Variants in RYR3 observed in about 807,000 individuals in gnomAD.
RYR3 encodes brain ryanodine receptor-calcium release channel.
In RYR3, 207 loss-of-function variants were observed where a neutral mutation model predicts 584.3. The observed-to-expected ratio is 0.35, with a 90% CI of 0.32 to 0.40. The LOEUF (loss-of-function observed/expected upper bound fraction) is 0.40, where lower values mean the gene tolerates loss of function less well. Ranked by LOEUF, RYR3 falls within the 10% of genes least tolerant of loss-of-function variation. The pLI, the probability that RYR3 is intolerant of heterozygous loss-of-function variation, is 1.00. For missense variants in RYR3, 5,616 were observed against 6,089.2 expected (o/e 0.92, Z 2.59); for synonymous variants, 2,416 against 2,248.5 (o/e 1.07, Z -2.11).
At chr15:33,750,364 A>G in intron 57 of RYR3, 78 bp downstream of exon 57, 1 of 1,441,174 alleles carries the variant, frequency 6.9e-7, no homozygotes, top group East Asian at 2.3e-5. Context: ...TACAAAACCC[A>G]TCCAAGTAAG....
At chr15:33,472,992 C>T (rs1304664074) in intron 1 of RYR3, among the ~76,000 whole-genome samples, 1 of 152,196 alleles carries the variant, frequency 6.6e-6, no homozygotes, top group Non-Finnish European at 1.5e-5. Context: ...CCAACACTTT[C>T]CCTCCACTCA....
chr15:33,338,069 C>G (rs1012434559), intron 1 of RYR3, among the ~76,000 whole-genome samples: 3 of 151,440 alleles, frequency 2.0e-5, no homozygotes, highest in Non-Finnish European at 2.9e-5. Flanking sequence ...CTCAGCCTCC[C>G]GAGTAGCTGG....
At position 33,668,729 on chromosome 15, in the gene RYR3, T is replaced by C. The variant is rs997920587; in HGVS notation, c.5620-625T>C. Among the ~76,000 whole-genome samples, 9 of 152,176 alleles carry C rather than the reference T, an allele frequency of 5.9e-5. 1 individual carries two copies. Among genetic ancestry groups the C allele is most frequent in the Middle Eastern group, 3.2e-3 (1 of 316 alleles). ...AAATTGTAAGCTTTCTGAAGGGCAA[T>C]TTGTAAATTCATATAAAAAAACATT... On this transcript the variant is annotated intron_variant, in intron 36 of 103. Transcript: ENST00000634891.
At chr15:33,637,081 A>AT (rs2061536843) in intron 27 of RYR3, among the ~76,000 whole-genome samples, 1 of 152,206 alleles carries the variant, frequency 6.6e-6, no homozygotes, top group South Asian at 2.1e-4. Flanking sequence ...CCAGAGTTGC[A>AT]TTTTTTAATG....
intron 38 of RYR3, among the ~76,000 whole-genome samples, chr15:33,686,350 A>C (rs1177146443): frequency 6.6e-6 from 1 of 151,676 alleles, no homozygotes; most frequent in Non-Finnish European, 1.5e-5. Context: ...CTTCCTGGAC[A>C]CGTACACCCT....
chr15:33,613,463 A>G lies in RYR3; in HGVS notation c.2357+88A>G, dbSNP rs552581981. The G allele has an allele frequency of 5.3e-6, 7 of 1,329,102 alleles. No individual in the cohort carries two copies. The South Asian group carries it at 1.0e-4, about 19-fold the overall frequency. The allele number at this position is 1,329,102 out of a possible 1,614,324, so 82.3% of individuals were successfully genotyped here. A position where few individuals can be genotyped will look rare whatever the true frequency, so the allele number is the denominator to read the frequency against. On this transcript the variant is annotated intron_variant, in intron 19 of 103. Coordinates refer to ENST00000634891, the MANE Select transcript of RYR3 (RefSeq NM_001036.6). ...AGCTGCGAAGCCAGCAGTCTCCTTC[A>G]GGGCTTCAGTACTGTGAACTAAGTT... is the stretch of plus-strand genomic sequence containing the variant.
intron 23 of RYR3, 28 bp downstream of exon 23, chr15:33,631,321 A>C (rs750517754): frequency 1.2e-5 from 17 of 1,401,310 alleles, no homozygotes; most frequent in Non-Finnish European, 1.7e-5. Context: ...TAATGGTTCA[A>C]GACTTTAATG....
chr15:33,652,617 G>A lies in RYR3; in HGVS notation c.4143-101G>A, dbSNP rs2062550112. ...TGGGGCTGAACAGAAAGCTTCCTAGGAAAGTTTCTGTAGCCATTTTCATTT... is the reference window on the plus strand; with the variant it reads ...TGGGGCTGAACAGAAAGCTTCCTAGAAAAGTTTCTGTAGCCATTTTCATTT... On this transcript the variant is annotated intron_variant, in intron 31 of 103. Coordinates refer to ENST00000634891, the MANE Select transcript of RYR3 (RefSeq NM_001036.6). 3 of 1,239,820 alleles carry A rather than the reference G, an allele frequency of 2.4e-6. No individual in the cohort carries two copies. The African/African-American group carries it at 4.6e-5, about 19-fold the overall frequency. 76.8% of individuals were successfully genotyped at this position (1,239,820 alleles called of 1,614,324 possible).
intron 1 of RYR3, among the ~76,000 whole-genome samples, chr15:33,423,289 A>G (rs750701243): frequency 4.6e-5 from 7 of 152,242 alleles, no homozygotes; most frequent in Admixed American, 1.3e-4. Context: ...TTCACTTAAC[A>G]AAATGTTTCC....
chr15:33,425,860 T>C (rs1004226379), intron 1 of RYR3, among the ~76,000 whole-genome samples: 19 of 152,190 alleles, frequency 1.2e-4, no homozygotes, highest in Admixed American at 3.3e-4. Context: ...GCCAGGATGG[T>C]CTCAATCTCC....
At chr15:33,595,544 T>C (rs1348070232) in intron 16 of RYR3, among the ~76,000 whole-genome samples, 3 of 152,188 alleles carry the variant, frequency 2.0e-5, no homozygotes, top group Admixed American at 6.5e-5. Flanking sequence ...TACAATCTTA[T>C]AATCTTACAC....
At chr15:33,842,535 G>A (rs2078436478) in intron 91 of RYR3, among the ~76,000 whole-genome samples, 1 of 152,182 alleles carries the variant, frequency 6.6e-6, no homozygotes, top group Non-Finnish European at 1.5e-5. Context: ...GTGGCTGAAG[G>A]CCAGGACCAC....
At chr15:33,794,224 T>TATATA (rs2075409280) in intron 67 of RYR3, among the ~76,000 whole-genome samples, 1 of 111,934 alleles carries the variant, frequency 8.9e-6, no homozygotes, top group Non-Finnish European at 1.7e-5. Flanking sequence ...TATATATAAA[T>TATATA]ATATATAAAT....
chr15:33,583,361 A>G (rs1328350424), intron 14 of RYR3, among the ~76,000 whole-genome samples: 2 of 152,214 alleles, frequency 1.3e-5, no homozygotes, highest in Non-Finnish European at 2.9e-5. Context: ...AGATTAATAA[A>G]TCTGTAGCTA....
chr15:33,738,420 C>T (rs370269555), intron 49 of RYR3, 30 bp from the exon 50 acceptor site: 54 of 1,593,310 alleles, frequency 3.4e-5, no homozygotes, highest in Admixed American at 2.3e-4. Flanking sequence ...TATGCCACCC[C>T]GCTGGTCTGT....
intron 67 of RYR3, among the ~76,000 whole-genome samples, chr15:33,797,629 G>A (rs1021102238): frequency 1.3e-5 from 2 of 151,998 alleles, no homozygotes; most frequent in African/African-American, 2.4e-5. Context: ...AGCTGAAACC[G>A]CATTCTCACA....
chr15:33,807,648 C>A, intron 70 of RYR3, 79 bp downstream of exon 70: 2 of 1,376,418 alleles, frequency 1.5e-6, no homozygotes, highest in South Asian at 1.2e-5. Context: ...GCACTGTGAT[C>A]ACCATGGGGG....
At chr15:33,504,918 T>G (rs1371350137) in intron 3 of RYR3, among the ~76,000 whole-genome samples, 1 of 152,240 alleles carries the variant, frequency 6.6e-6, no homozygotes, top group African/African-American at 2.4e-5. Flanking sequence ...GTTTAGTTAT[T>G]AGATGAGTTG....
rs1045442851 is a variant in RYR3 at position 33,772,297 on chromosome 15, AAG to A, written c.9055+141_9055+142del. ...ATGCCTTTTCTTTCTTAGATTAAAA[AAG>A]AAGAAGAAGAAGAAGAAGAAGTAAT... is the stretch of plus-strand genomic sequence containing the variant. On this transcript the variant is annotated intron_variant, in intron 63 of 103. Transcript: ENST00000634891. 3 of 403,740 alleles carry A rather than the reference AAG, an allele frequency of 7.4e-6. No individual in the cohort carries two copies. The African/African-American group carries it at 1.1e-4, about 14-fold the overall frequency. 25.0% of individuals were successfully genotyped at this position (403,740 alleles called of 1,614,324 possible).
Sources: allele counts gnomAD v4.1 joint callset (sites outside exome capture counted in the v4.1 genomes callset), GRCh38; gene constraint gnomAD v4.1.1; transcripts MANE v1.5; gene names NCBI Gene and HGNC (gene_info 2026-07-23, HGNC 2026-07-21).